Variants in TICRR observed in about 807,000 individuals in gnomAD.
TICRR encodes TOPBP1 interacting checkpoint and replication regulator, also known as treslin.
Under a neutral mutation model 178.1 loss-of-function variants are expected in TICRR, and 132 were observed. The observed-to-expected ratio is 0.74, with a 90% CI of 0.64 to 0.86. The LOEUF (loss-of-function observed/expected upper bound fraction) is 0.86. TICRR is among the 40% of genes least tolerant of loss of function. The pLI is 0.00. For missense variants in TICRR, 2,587 were observed against 2,334.3 expected (o/e 1.11, Z -2.23); for synonymous variants, 991 against 900.7 (o/e 1.10, Z -1.79).
intron 19 of TICRR, among the ~76,000 whole-genome samples, chr15:89,622,134 C>T (rs1963437318): frequency 6.6e-6 from 1 of 151,962 alleles, no homozygotes; most frequent in Non-Finnish European, 1.5e-5. Flanking sequence ...TACAGGCACC[C>T]ACCACAACGC....
At chr15:89,618,111 C>T (rs2141978149) in intron 16 of TICRR, 41 bp from the exon 17 acceptor site, 1 of 1,592,310 alleles carries the variant, frequency 6.3e-7, no homozygotes, top group Middle Eastern at 1.7e-4. Flanking sequence ...GTGTTAATTA[C>T]AAGTGGTATG....
At chr15:89,598,245 T>G (rs1963032915) in intron 7 of TICRR, among the ~76,000 whole-genome samples, 1 of 152,162 alleles carries the variant, frequency 6.6e-6, no homozygotes, top group Non-Finnish European at 1.5e-5. Flanking sequence ...AGTGCTGGGA[T>G]TACAGGCGTG....
intron 8 of TICRR, among the ~76,000 whole-genome samples, chr15:89,600,236 G>A (rs1156647832): frequency 6.6e-6 from 1 of 152,188 alleles, no homozygotes; most frequent in East Asian, 1.9e-4. Context: ...TTTAGACCGT[G>A]TTGTTGTTTT....
At position 89,595,300 on chromosome 15, in the gene TICRR, A is replaced by G. The variant is rs1962978482; in HGVS notation, c.1682-93A>G. The stretch of plus-strand genomic sequence containing the variant: ...TTCTGGAGGGATATGCTTCATTTTG[A>G]TATTCTTTCACAGTAATCTGAATTA... On this transcript the variant is annotated intron_variant, in intron 6 of 21. Transcript: ENST00000268138. 5.7e-6 allele frequency: 5 copies of G among 873,858 alleles called. No individual in the cohort carries two copies. The Admixed American group carries it at 6.7e-5, about 12-fold the overall frequency. The allele number at this position is 873,858 out of a possible 1,614,324, so 54.1% of individuals were successfully genotyped here. A position where few individuals can be genotyped will look rare whatever the true frequency, so the allele number is the denominator to read the frequency against.
intron 13 of TICRR, among the ~76,000 whole-genome samples, chr15:89,605,579 T>G (rs981482185): frequency 6.6e-6 from 1 of 152,204 alleles, no homozygotes; most frequent in Non-Finnish European, 1.5e-5. Context: ...CAGGATGGTC[T>G]CAATCTCCTG....
At position 89,623,787 on chromosome 15, in the gene TICRR, C is replaced by T. The variant is rs759181309; in HGVS notation, c.3477C>T (p.Asp1159=). The part of the protein sequence containing the change: ...KQAAFKESLK[D]SSSPGHDSPL... ...CAGCTTTTAAGGAGTCCTTAAAAGACTCCTCCTCACCCGGCCATGACTCAC... is the reference window on the plus strand; with the variant it reads ...CAGCTTTTAAGGAGTCCTTAAAAGATTCCTCCTCACCCGGCCATGACTCAC... The change falls in exon 20 of 22, where the codon GAC becomes GAT. Residue 1159 remains aspartate, a synonymous_variant. Transcript: ENST00000268138. 5.6e-6 allele frequency: 9 copies of T among 1,613,792 alleles called. No individual in the cohort carries two copies. In the South Asian group the frequency reaches 8.8e-5, roughly 16 times the overall value.
intron 7 of TICRR, among the ~76,000 whole-genome samples, chr15:89,598,126 T>TTTTGTTTG (rs143498740): frequency 1.2e-4 from 14 of 112,334 alleles, no homozygotes; most frequent in South Asian, 5.5e-4. Context: ...TCCAGGAGTT[T>TTTTGTTTG]TTTGTTTGTT....
Position 89,625,978 on chromosome 15 carries a change from C to G in TICRR, c.5519C>G (p.Ser1840Cys). The change falls in exon 21 of 22, where the codon TCT becomes TGT. Residue 1840 changes from serine (S) to cysteine (C), a missense_variant. By Grantham distance (112) the Ser-to-Cys change is moderately radical. Transcript: ENST00000268138. ...AGCTGTGCCGTGCGGAGCTGCCTCTCTGCCAGTGCCCTCCAGGCTCTGACC... is the reference window on the plus strand; with the variant it reads ...AGCTGTGCCGTGCGGAGCTGCCTCTGTGCCAGTGCCCTCCAGGCTCTGACC... Reference protein sequence around the residue: ...PPSCAVRSCLSASALQALTQS... With the variant: ...PPSCAVRSCLCASALQALTQS... The G allele has an allele frequency of 6.2e-7, 1 of 1,604,988 alleles. No homozygotes were observed. Among genetic ancestry groups the G allele is most frequent in the Non-Finnish European group, 8.5e-7 (1 of 1,176,122 alleles).
rs1161843248 is a variant in TICRR, at chr15:89,575,599, C to A, written c.13C>A (p.His5Asn). The change falls in exon 1 of 22, where the codon CAC becomes AAC. Residue 5 changes from histidine to asparagine, a missense_variant. Coordinates refer to ENST00000268138, the MANE Select transcript of TICRR (RefSeq NM_152259.4). MACC[H>N]KVMLLLDTAG... ...CGGCACGGCCGATATGGCATGCTGT[C>A]ACAAAGTAATGCTGCTGCTGGACAC... is the stretch of plus-strand genomic sequence containing the variant. 4 of 1,506,450 alleles carry A rather than the reference C, an allele frequency of 2.7e-6. No individual in the cohort carries two copies. Among genetic ancestry groups the A allele is most frequent in the Non-Finnish European group, 3.5e-6 (4 of 1,134,014 alleles). The allele number at this position is 1,506,450 out of a possible 1,614,324, so 93.3% of individuals were successfully genotyped here.
At chr15:89,594,636 G>C (rs1962966647) in intron 6 of TICRR, 82 bp downstream of exon 6, 1 of 1,266,154 alleles carries the variant, frequency 7.9e-7, no homozygotes, top group Non-Finnish European at 1.0e-6. Flanking sequence ...CCTGAAATGA[G>C]GTTGAAATGG....
At chr15:89,593,050 A>G (rs1367270877) in intron 5 of TICRR, among the ~76,000 whole-genome samples, 1 of 152,232 alleles carries the variant, frequency 6.6e-6, no homozygotes, top group Non-Finnish European at 1.5e-5. Flanking sequence ...CAGGTAGTGT[A>G]AGTCCTCTAA....
rs371351480 is a variant in TICRR, at chr15:89,622,892, T to G, written c.3313-731T>G. 4.6e-5 allele frequency among the ~76,000 whole-genome samples: 7 copies of G among 152,294 alleles called. 1 individual carries two copies. In the East Asian group the frequency reaches 1.2e-3, roughly 25 times the overall value. On this transcript the variant is annotated intron_variant, in intron 19 of 21. Coordinates refer to ENST00000268138, the MANE Select transcript of TICRR (RefSeq NM_152259.4). ...GATCCAGGCTGGGTTAGGCAGCCCT[T>G]CTTTGTGTTCTGTGATGCCCCTCGC...
chr15:89,595,662 A>T, intron 7 of TICRR, 51 bp downstream of exon 7: 2 of 1,372,260 alleles, frequency 1.5e-6, no homozygotes, highest in Non-Finnish European at 2.0e-6. Context: ...TTTTTTAAAA[A>T]TAAAATTTAA....
chr15:89,617,954 G>A (rs145635340), intron 16 of TICRR, 198 bp from the exon 17 acceptor site: 1 of 631,192 alleles, frequency 1.6e-6, no homozygotes, highest in East Asian at 2.7e-5. Context: ...AGCCTCCTAA[G>A]GTGCTGGGAT....
At chr15:89,613,504 G>A (rs1019135586) in intron 15 of TICRR, among the ~76,000 whole-genome samples, 17 of 152,152 alleles carry the variant, frequency 1.1e-4, no homozygotes, top group East Asian at 3.9e-4. Flanking sequence ...TGTTCTTTCT[G>A]CCTCTTCCTT....
intron 4 of TICRR, among the ~76,000 whole-genome samples, chr15:89,588,852 A>C (rs1308887240): frequency 6.6e-6 from 1 of 152,152 alleles, no homozygotes; most frequent in African/African-American, 2.4e-5. Context: ...TTGTTAGATG[A>C]CTATGAGCGT....
At chr15:89,619,482 G>A (rs1199202966) in intron 17 of TICRR, among the ~76,000 whole-genome samples, 4 of 152,074 alleles carry the variant, frequency 2.6e-5, no homozygotes. Context: ...GACTTCTGAA[G>A]GTAATAGTCT....
intron 21 of TICRR, 88 bp from the exon 22 acceptor site, chr15:89,626,868 T>A: frequency 7.0e-7 from 1 of 1,421,980 alleles, no homozygotes; most frequent in South Asian, 1.3e-5. Context: ...AGTCTGTTTT[T>A]GTGTGTAACC....
Position 89,626,073 on chromosome 15 carries a change from T to C in TICRR, c.5602+12T>C, listed in dbSNP as rs1233510365. On this transcript the variant is annotated intron_variant, in intron 21 of 21. Transcript: ENST00000268138. The stretch of plus-strand genomic sequence containing the variant: ...CAAAGACCCCAGAGGTAATGTTTGT[T>C]GAAGGTCTAGGACCCTTTCCTGTGA... 5 of 1,613,280 alleles carry C rather than the reference T, an allele frequency of 3.1e-6. No individual in the cohort carries two copies. In the African/African-American group the frequency reaches 6.7e-5, roughly 22 times the overall value.
Sources: gnomAD v4.1 joint callset for allele counts (sites outside exome capture counted in the v4.1 genomes callset) on GRCh38, gnomAD v4.1.1 for gene constraint, MANE v1.5 for transcripts, NCBI Gene and HGNC (gene_info 2026-07-23, HGNC 2026-07-21) for gene names.